CNTN4: variants seen among roughly 807,000 people sequenced by gnomAD.
CNTN4 encodes the protein contactin-4.
A neutral mutation model predicts 122.5 loss-of-function variants in CNTN4; 77 were observed. The ratio of observed to expected loss-of-function variants is 0.63; its 90% confidence interval spans 0.52 to 0.76. CNTN4 has a LOEUF of 0.76. Ranked by LOEUF, CNTN4 falls within the 30% of genes least tolerant of loss-of-function variation. The probability of loss-of-function intolerance (pLI) is 0.00; values close to 1 mark genes in which losing one functional copy is unlikely to be tolerated. For synonymous variants in CNTN4, 512 were observed against 447.0 expected (o/e 1.15, Z -1.83); for missense variants, 1,256 against 1,259.1 (o/e 1.00, Z 0.04).
At chr3:2,470,100 C>T (rs373601168) in intron 3 of CNTN4, among the ~76,000 whole-genome samples, 2 of 150,828 alleles carry the variant, frequency 1.3e-5, no homozygotes, top group Non-Finnish European at 1.5e-5. Flanking sequence ...GGGTCTCGCT[C>T]TCTCGCCCAG....
At chr3:2,131,120 G>T (rs2034430165) in intron 2 of CNTN4, among the ~76,000 whole-genome samples, 1 of 152,116 alleles carries the variant, frequency 6.6e-6, no homozygotes, top group African/African-American at 2.4e-5. Flanking sequence ...TTTAATCTTT[G>T]CAACTCTTTG....
chr3:2,826,110 G>A (rs2092982450), intron 7 of CNTN4, among the ~76,000 whole-genome samples: 1 of 152,158 alleles, frequency 6.6e-6, no homozygotes, highest in African/African-American at 2.4e-5. Context: ...CTAATCAATG[G>A]CAGGAATAAG....
At chr3:2,689,185 T>A (rs186401691) in intron 4 of CNTN4, among the ~76,000 whole-genome samples, 12 of 152,302 alleles carry the variant, frequency 7.9e-5, no homozygotes, top group Non-Finnish European at 1.3e-4. Context: ...GCTATTCTTA[T>A]GGGAGCCAAC....
chr3:2,558,291 A>G (rs565944895), intron 3 of CNTN4, among the ~76,000 whole-genome samples: 1 of 152,178 alleles, frequency 6.6e-6, no homozygotes, highest in Non-Finnish European at 1.5e-5. Context: ...GGGGTTTACC[A>G]GTTTTTCCAT....
At chr3:2,333,126 G>A (rs1485209743) in intron 2 of CNTN4, among the ~76,000 whole-genome samples, 1 of 152,118 alleles carries the variant, frequency 6.6e-6, no homozygotes, top group Non-Finnish European at 1.5e-5. Flanking sequence ...CAAGTTTCTG[G>A]CCTTACAACT....
chr3:2,239,232 C>T (rs1366959063), intron 2 of CNTN4, among the ~76,000 whole-genome samples: 1 of 152,010 alleles, frequency 6.6e-6, no homozygotes, highest in African/African-American at 2.4e-5. Context: ...TATTTGGTTA[C>T]GCAGTTGCCG....
At position 2,269,973 on chromosome 3, in the gene CNTN4, C is replaced by G. The variant is rs113442227; in HGVS notation, c.-144-69205C>G. 9.2e-4 allele frequency among the ~76,000 whole-genome samples: 46 copies of G among 50,204 alleles called. 4 individuals carry two copies. Among genetic ancestry groups the G allele is most frequent in the African/African-American group, 2.6e-3 (46 of 17,362 alleles). The allele number at this position is 50,204 out of a possible 152,430, so 32.9% of individuals were successfully genotyped here. A position where few individuals can be genotyped will look rare whatever the true frequency, so the allele number is the denominator to read the frequency against. ...TTATTTATTTTTTGAGACGGAGTCT[C>G]GCTCTGTCGCCCAGGCCGGACTGCG... On this transcript the variant is annotated intron_variant, in intron 2 of 24. Coordinates refer to ENST00000418658, the MANE Select transcript of CNTN4 (RefSeq NM_175607.3).
In CNTN4 at chr3:2,688,415, C is replaced by T. The variant is rs112696036; in HGVS notation, c.56-47800C>T. On this transcript the variant is annotated intron_variant, in intron 4 of 24. Coordinates refer to ENST00000418658, the MANE Select transcript of CNTN4 (RefSeq NM_175607.3). Reference sequence around the variant, plus strand: ...CTCGGCACCAGCCAATTACCGATTACACAAGCTGTATTTTATCACTCCAAA... The same window carrying T: ...CTCGGCACCAGCCAATTACCGATTATACAAGCTGTATTTTATCACTCCAAA... 1.6e-3 allele frequency among the ~76,000 whole-genome samples: 250 copies of T among 152,278 alleles called. 3 individuals carry two copies. The highest frequency in any genetic ancestry group is 5.5e-3 in the African/African-American group (230 of 41,562).
chr3:2,996,413 A>G (rs1318566032), intron 14 of CNTN4, among the ~76,000 whole-genome samples: 1 of 152,184 alleles, frequency 6.6e-6, no homozygotes, highest in Admixed American at 6.6e-5. Flanking sequence ...CAGATATTGT[A>G]GAAGAGACAC....
chr3:2,886,752 G>A (rs1018042958), intron 9 of CNTN4, among the ~76,000 whole-genome samples: 2 of 152,076 alleles, frequency 1.3e-5, no homozygotes, highest in Non-Finnish European at 2.9e-5. Flanking sequence ...GACCTCAAGT[G>A]ATCTGTCCGC....
At chr3:2,747,336 GA>G (rs2089837348) in intron 6 of CNTN4, among the ~76,000 whole-genome samples, 1 of 151,640 alleles carries the variant, frequency 6.6e-6, no homozygotes, top group Non-Finnish European at 1.5e-5. Flanking sequence ...GGGAACCCGG[GA>G]GGCGGAGCTT....
chr3:2,883,096 A>G (rs1577144827), intron 8 of CNTN4, 49 bp from the exon 9 acceptor site: 1 of 1,324,902 alleles, frequency 7.5e-7, no homozygotes, highest in Non-Finnish European at 1.1e-6. Context: ...TTTACATTTT[A>G]TACATTTTAA....
At chr3:2,886,408 A>T (rs202006296) in intron 9 of CNTN4, among the ~76,000 whole-genome samples, 29 of 140,650 alleles carry the variant, frequency 2.1e-4, no homozygotes, top group South Asian at 9.5e-4. Flanking sequence ...AATAAAAAAA[A>T]ATATATTAAA....
At position 2,113,520 on chromosome 3, in the gene CNTN4, T is replaced by A. The variant is rs190791101; in HGVS notation, c.-145+12881T>A. 2.3e-3 allele frequency among the ~76,000 whole-genome samples: 357 copies of A among 152,324 alleles called. 1 individual carries two copies. The highest frequency in any genetic ancestry group is 6.8e-3 in the Middle Eastern group (2 of 294). On this transcript the variant is annotated intron_variant, in intron 2 of 24. Coordinates refer to ENST00000418658, the MANE Select transcript of CNTN4 (RefSeq NM_175607.3). ...ATTTTTATTAAAGATTGATAGACATTGATTTGCATTGTATTCTTAACTAAC... is the reference window on the plus strand; with the variant it reads ...ATTTTTATTAAAGATTGATAGACATAGATTTGCATTGTATTCTTAACTAAC...
rs139235698 is a variant in CNTN4, at chr3:2,545,541, C to A, written c.-88-25875C>A. ...GAACTTGCTTTATGAATCTAGCTGC[C>A]CTTGTCTTGGTTGCATATATATTTA... On this transcript the variant is annotated intron_variant, in intron 3 of 24. Coordinates refer to ENST00000418658, the MANE Select transcript of CNTN4 (RefSeq NM_175607.3). Among the ~76,000 whole-genome samples the A allele has an allele frequency of 1.5e-4, 23 of 151,468 alleles. No homozygotes were observed. In the East Asian group the frequency reaches 3.9e-3, roughly 26 times the overall value.
intron 15 of CNTN4, 60 bp downstream of exon 15, chr3:3,026,337 A>G: frequency 7.2e-6 from 10 of 1,392,446 alleles, no homozygotes; most frequent in Non-Finnish European, 1.0e-5. Flanking sequence ...TTAACAATAT[A>G]TTTAAAGTTA....
chr3:3,002,830 G>A lies in CNTN4; in HGVS notation c.1486+14358G>A, dbSNP rs556270897. Among the ~76,000 whole-genome samples the A allele has an allele frequency of 3.3e-5, 5 of 152,290 alleles. No individual in the cohort carries two copies. In the East Asian group the frequency reaches 7.7e-4, roughly 23 times the overall value. On this transcript the variant is annotated intron_variant, in intron 14 of 24. Transcript: ENST00000418658. Reference sequence around the variant, plus strand: ...CCAAAAATGAGATGAAATTTTTCATGTGCAAGAGATTTCTATTTTATGAAC... The same window carrying A: ...CCAAAAATGAGATGAAATTTTTCATATGCAAGAGATTTCTATTTTATGAAC...
chr3:2,734,516 T>C (rs1431566978), intron 4 of CNTN4, among the ~76,000 whole-genome samples: 3 of 152,192 alleles, frequency 2.0e-5, no homozygotes, highest in Non-Finnish European at 4.4e-5. Context: ...TCCATGGTCT[T>C]TCTGAATCCT....
intron 2 of CNTN4, among the ~76,000 whole-genome samples, chr3:2,106,925 C>A (rs1457837268): frequency 2.0e-5 from 3 of 152,236 alleles, no homozygotes; most frequent in Non-Finnish European, 2.9e-5. Context: ...GGGCAAAATT[C>A]TGCTAGTCTC....
Sources: allele counts gnomAD v4.1 joint callset (sites outside exome capture counted in the v4.1 genomes callset), GRCh38; gene constraint gnomAD v4.1.1; transcripts MANE v1.5; gene names NCBI Gene and HGNC (gene_info 2026-07-23, HGNC 2026-07-21).